The following PVT1 variants were observed in gnomAD, a reference collection of about 807,000 sequenced individuals.
PVT1 encodes Pvt1 oncogene.
intron 3 of PVT1, among the ~76,000 whole-genome samples, chr8:127,928,907 C>T (rs1056601992): frequency 3.3e-5 from 5 of 152,200 alleles, no homozygotes; most frequent in African/African-American, 7.2e-5. Flanking sequence ...TCAAGTGATG[C>T]GACTTCCAAC....
At position 127,832,167 on chromosome 8, in the gene PVT1, T is replaced by C. The variant is rs143567580; in HGVS notation, n.372+36096T>C. Among the ~76,000 whole-genome samples the C allele has an allele frequency of 3.3e-5, 5 of 152,224 alleles. No individual in the cohort carries two copies. In the East Asian group the frequency reaches 9.7e-4, roughly 29 times the overall value. ...TCCTCCACCCCCATCTCGGCATACA[T>C]CCCAGTGTTTTGTGGTTTGCTACAT... On this transcript the variant is annotated intron_variant and non_coding_transcript_variant, in intron 2 of 10. Transcript: ENST00000651587.
intron 4 of PVT1, among the ~76,000 whole-genome samples, chr8:128,019,965 T>C (rs1817414607): frequency 6.6e-6 from 1 of 152,244 alleles, no homozygotes; most frequent in African/African-American, 2.4e-5. Flanking sequence ...ATCCCTTTGC[T>C]CTGCTCAATT....
At chr8:127,911,889 A>G (rs1038093913) in intron 3 of PVT1, among the ~76,000 whole-genome samples, 3 of 152,250 alleles carry the variant, frequency 2.0e-5, no homozygotes, top group Non-Finnish European at 4.4e-5. Context: ...CTTTACATTC[A>G]GTAAACTGTT....
chr8:127,811,198 C>T (rs180671003), intron 2 of PVT1, among the ~76,000 whole-genome samples: 2 of 152,304 alleles, frequency 1.3e-5, no homozygotes, highest in Admixed American at 6.5e-5. Flanking sequence ...CCTTTTCTCT[C>T]CTCATGCCAA....
At chr8:127,946,151 G>C (rs1469726599) in intron 3 of PVT1, among the ~76,000 whole-genome samples, 1 of 152,198 alleles carries the variant, frequency 6.6e-6, no homozygotes, top group Non-Finnish European at 1.5e-5. Flanking sequence ...TCCAAGGCAG[G>C]GAACTTAGGG....
Position 128,038,169 on chromosome 8 carries a change from C to T in PVT1, n.913-31991C>T, listed in dbSNP as rs114924708. 5.8e-3 allele frequency among the ~76,000 whole-genome samples: 879 copies of T among 152,222 alleles called. 12 individuals carry two copies. Among genetic ancestry groups the T allele is most frequent in the African/African-American group, 0.02 (841 of 41,522 alleles). On this transcript the variant is annotated intron_variant and non_coding_transcript_variant, in intron 4 of 10. Transcript: ENST00000651587. ...GACCCTTCGAAAAATAGACTGAGGA[C>T]CCCCGTGGAGGAGTCCTGAGATTGG...
At chr8:128,085,590 G>T (rs979270376) in intron 5 of PVT1, among the ~76,000 whole-genome samples, 7 of 151,968 alleles carry the variant, frequency 4.6e-5, no homozygotes, top group African/African-American at 1.7e-4. Flanking sequence ...AGCAAGTTTT[G>T]TCCAAAACCT....
chr8:127,822,009 T>C (rs1407633903), intron 2 of PVT1, among the ~76,000 whole-genome samples: 1 of 152,120 alleles, frequency 6.6e-6, no homozygotes, highest in Non-Finnish European at 1.5e-5. Context: ...CAGTAATCAG[T>C]TGTGTGGTAT....
At chr8:128,018,192 A>G (rs1817395546) in intron 4 of PVT1, among the ~76,000 whole-genome samples, 1 of 152,210 alleles carries the variant, frequency 6.6e-6, no homozygotes, top group Non-Finnish European at 1.5e-5. Context: ...CATTATGGGG[A>G]AAAGGGACAG....
chr8:127,869,219 C>T (rs1238531328), intron 2 of PVT1, among the ~76,000 whole-genome samples: 4 of 152,096 alleles, frequency 2.6e-5, no homozygotes, highest in Non-Finnish European at 1.5e-5. Context: ...CAACCTCCAC[C>T]TCCCAGGTTC....
rs1401029184 is a variant in PVT1 at position 128,087,341 on chromosome 8, G to T, written n.1115-9177G>T. On this transcript the variant is annotated intron_variant and non_coding_transcript_variant, in intron 5 of 10. Transcript: ENST00000651587. ...GTCTCTTTAGATGTCTTTTAATTCA[G>T]ATCTTAATTTTCCACTCATTTGTGC... Among the ~76,000 whole-genome samples the T allele has an allele frequency of 3.9e-5, 6 of 152,258 alleles. No individual in the cohort carries two copies. In the South Asian group the frequency reaches 1.0e-3, roughly 26 times the overall value.
chr8:128,047,046 A>C (rs1813623481), intron 4 of PVT1, among the ~76,000 whole-genome samples: 2 of 151,902 alleles, frequency 1.3e-5, no homozygotes, highest in South Asian at 4.2e-4. Context: ...ATGGAGTCAT[A>C]CTCTCTTTAT....
chr8:127,853,240 C>T (rs1225611034), intron 2 of PVT1, among the ~76,000 whole-genome samples: 1 of 152,062 alleles, frequency 6.6e-6, no homozygotes, highest in African/African-American at 2.4e-5. Flanking sequence ...TCCTGCAACT[C>T]TAGGAAGGCT....
chr8:127,820,556 T>G (rs1327836254), intron 2 of PVT1, among the ~76,000 whole-genome samples: 2 of 152,022 alleles, frequency 1.3e-5, no homozygotes, highest in Non-Finnish European at 2.9e-5. Context: ...GGGAAGGAGG[T>G]ACACATTTCC....
chr8:127,872,330 T>A (rs1164778603), intron 2 of PVT1, among the ~76,000 whole-genome samples: 2 of 151,960 alleles, frequency 1.3e-5, no homozygotes, highest in Admixed American at 6.6e-5. Flanking sequence ...GGAGAATCGC[T>A]TGAACCCAGG....
In PVT1 at chr8:127,917,161, G is replaced by C. The variant is rs192149360; in HGVS notation, n.782+26163G>C. 6.6e-5 allele frequency among the ~76,000 whole-genome samples: 10 copies of C among 152,202 alleles called. No homozygotes were observed. In the South Asian group the frequency reaches 1.9e-3, roughly 28 times the overall value. ...TAGCCCCTAGTTACAACTCTCTTCTGTCTCTTCCCCTTTCTGCCTGCGCTA... is the reference window on the plus strand; with the variant it reads ...TAGCCCCTAGTTACAACTCTCTTCTCTCTCTTCCCCTTTCTGCCTGCGCTA... On this transcript the variant is annotated intron_variant and non_coding_transcript_variant, in intron 3 of 10. Coordinates refer to ENST00000651587, the Ensembl canonical transcript of PVT1.
At chr8:127,907,627 G>A (rs886791569) in intron 3 of PVT1, among the ~76,000 whole-genome samples, 3 of 152,180 alleles carry the variant, frequency 2.0e-5, no homozygotes, top group East Asian at 1.9e-4. Flanking sequence ...AGTTCAGACC[G>A]TATTGTCAGT....
At chr8:127,869,636 T>A (rs952929525) in intron 2 of PVT1, among the ~76,000 whole-genome samples, 6 of 152,206 alleles carry the variant, frequency 3.9e-5, no homozygotes, top group African/African-American at 1.4e-4. Flanking sequence ...TTGTTTCTAC[T>A]GTTCCCTGCT....
At chr8:127,798,213 A>G (rs889514852) in intron 2 of PVT1, among the ~76,000 whole-genome samples, 6 of 152,012 alleles carry the variant, frequency 3.9e-5, no homozygotes, top group South Asian at 4.2e-4. Flanking sequence ...CTGAGGCAGG[A>G]GAATTGCTTG....
Sources: allele counts gnomAD v4.1 joint callset (sites outside exome capture counted in the v4.1 genomes callset), GRCh38; gene constraint gnomAD v4.1.1; transcripts MANE v1.5; gene names NCBI Gene and HGNC (gene_info 2026-07-23, HGNC 2026-07-21).